The following LEF1 variants were observed in gnomAD, a reference collection of about 807,000 sequenced individuals.
The protein encoded by LEF1 is lymphoid enhancer binding factor 1, also known as lymphoid enhancer-binding factor 1.
LEF1 carries 14 observed loss-of-function variants against 51.2 expected under a neutral mutation model. The ratio of observed to expected loss-of-function variants is 0.27; its 90% CI spans 0.18 to 0.43. The LOEUF (loss-of-function observed/expected upper bound fraction) is 0.43. Among genes scored for constraint, LEF1 ranks in the 20% least tolerant of loss-of-function variants. The probability of loss-of-function intolerance (pLI) is 1.00; values close to 1 mark genes in which losing one functional copy is unlikely to be tolerated. For synonymous variants in LEF1, 185 were observed against 183.2 expected (o/e 1.01, Z -0.08); for missense variants, 386 against 512.0 (o/e 0.75, Z 2.37).
chr4:108,053,127 T>C (rs1197862704), intron 11 of LEF1, among the ~76,000 whole-genome samples: 1 of 152,186 alleles, frequency 6.6e-6, no homozygotes, highest in Non-Finnish European at 1.5e-5. Flanking sequence ...CCCTGTATCC[T>C]GGTGGAGGCA....
chr4:108,153,672 C>T (rs1744505030), intron 3 of LEF1, among the ~76,000 whole-genome samples: 1 of 152,082 alleles, frequency 6.6e-6, no homozygotes, highest in Non-Finnish European at 1.5e-5. Flanking sequence ...GCAATTTGTT[C>T]CAAAGAAACA....
rs115237291 is a variant in LEF1 at position 108,158,949 on chromosome 4, G to A, written c.414+4619C>T. ...AATACTTCAAAAGCAAGATTTTTGC[G>A]GATTGGCTCAATGGTCTTTTTTTTA... On this transcript the variant is annotated intron_variant, in intron 3 of 11. Transcript: ENST00000265165. 9.0e-3 allele frequency among the ~76,000 whole-genome samples: 1,361 copies of A among 152,014 alleles called. 5 individuals carry two copies. The highest frequency in any genetic ancestry group is 0.017 in the Middle Eastern group (5 of 294).
intron 3 of LEF1, among the ~76,000 whole-genome samples, chr4:108,106,107 G>A (rs1360232258): frequency 6.6e-6 from 1 of 152,134 alleles, no homozygotes; most frequent in Admixed American, 6.5e-5. Flanking sequence ...ATATGGCTCA[G>A]GGAGATCAAC....
intron 11 of LEF1, among the ~76,000 whole-genome samples, chr4:108,050,643 C>A (rs1274058587): frequency 6.6e-6 from 1 of 152,214 alleles, no homozygotes; most frequent in Non-Finnish European, 1.5e-5. Flanking sequence ...GTTGCTCTTC[C>A]TGGGAAGGTT....
chr4:108,144,601 T>C (rs1485287720), intron 3 of LEF1, among the ~76,000 whole-genome samples: 2 of 152,090 alleles, frequency 1.3e-5, no homozygotes, highest in African/African-American at 2.4e-5. Flanking sequence ...TGGTTTAAAA[T>C]AGCAAGTGCC....
At chr4:108,121,409 C>T (rs1403713947) in intron 3 of LEF1, among the ~76,000 whole-genome samples, 1 of 152,216 alleles carries the variant, frequency 6.6e-6, no homozygotes, top group African/African-American at 2.4e-5. Context: ...ACAGACACTA[C>T]ACTCTGAGAA....
intron 3 of LEF1, among the ~76,000 whole-genome samples, chr4:108,125,928 A>C (rs538756227): frequency 1.3e-5 from 2 of 152,332 alleles, no homozygotes; most frequent in South Asian, 2.1e-4. Context: ...TGTTAACACC[A>C]ATCAGATTTT....
At chr4:108,080,102 C>A (rs1479646037) in intron 6 of LEF1, among the ~76,000 whole-genome samples, 1 of 152,098 alleles carries the variant, frequency 6.6e-6, no homozygotes, top group Non-Finnish European at 1.5e-5. Flanking sequence ...ATTTTCTGTG[C>A]AGAAATACAC....
At chr4:108,073,618 C>T (rs867969202) in intron 8 of LEF1, among the ~76,000 whole-genome samples, 3 of 152,016 alleles carry the variant, frequency 2.0e-5, no homozygotes, top group Admixed American at 2.0e-4. Flanking sequence ...GCTGAGAAAA[C>T]CTGGAATCAT....
chr4:108,158,867 C>G (rs1002455577), intron 3 of LEF1, among the ~76,000 whole-genome samples: 2 of 151,946 alleles, frequency 1.3e-5, no homozygotes, highest in Non-Finnish European at 2.9e-5. Context: ...AGGGAAGACT[C>G]GATCAAAATA....
At chr4:108,064,301 C>G in intron 10 of LEF1, 35 bp downstream of exon 10, 1 of 1,525,788 alleles carries the variant, frequency 6.6e-7, no homozygotes. Flanking sequence ...TTGTCAGAAG[C>G]CTGAGGATTG....
chr4:108,159,223 C>T (rs543035689), intron 3 of LEF1, among the ~76,000 whole-genome samples: 1 of 152,096 alleles, frequency 6.6e-6, no homozygotes, highest in Non-Finnish European at 1.5e-5. Context: ...GATCCTGTCC[C>T]AAATTGTAGC....
At chr4:108,128,390 CAA>C (rs1742674463) in intron 3 of LEF1, among the ~76,000 whole-genome samples, 1 of 151,626 alleles carries the variant, frequency 6.6e-6, no homozygotes, top group Non-Finnish European at 1.5e-5. Context: ...ACAACATAAA[CAA>C]AATTATTTAT....
chr4:108,138,995 T>C (rs1257109935), intron 3 of LEF1, among the ~76,000 whole-genome samples: 1 of 152,344 alleles, frequency 6.6e-6, no homozygotes, highest in East Asian at 1.9e-4. Flanking sequence ...CTGGAAATGC[T>C]AGCTGAACCA....
intron 8 of LEF1, among the ~76,000 whole-genome samples, chr4:108,077,731 G>A (rs965119808): frequency 3.3e-5 from 5 of 152,092 alleles, no homozygotes; most frequent in Non-Finnish European, 7.4e-5. Context: ...CCCGGCTGCT[G>A]CCCCATCTGG....
chr4:108,058,975 G>C (rs1450772013), intron 11 of LEF1, among the ~76,000 whole-genome samples: 1 of 152,224 alleles, frequency 6.6e-6, no homozygotes, highest in Non-Finnish European at 1.5e-5. Flanking sequence ...AGTCCGAAAA[G>C]CTAAACAGAT....
At chr4:108,160,683 C>T (rs1745006780) in intron 3 of LEF1, among the ~76,000 whole-genome samples, 1 of 152,260 alleles carries the variant, frequency 6.6e-6, no homozygotes, top group South Asian at 2.1e-4. Context: ...TGCTCCTGAA[C>T]AGGTAATACT....
chr4:108,140,280 G>T (rs1445341846), intron 3 of LEF1, among the ~76,000 whole-genome samples: 2 of 152,130 alleles, frequency 1.3e-5, no homozygotes, highest in African/African-American at 4.8e-5. Flanking sequence ...AGTTTGAAAA[G>T]AACTGGCAAC....
chr4:108,119,349 T>C (rs947101033), intron 3 of LEF1, among the ~76,000 whole-genome samples: 2 of 151,976 alleles, frequency 1.3e-5, no homozygotes, highest in Non-Finnish European at 2.9e-5. Flanking sequence ...CACTGAGGTT[T>C]TGTTTTCACT....
Sources: allele counts gnomAD v4.1 joint callset (sites outside exome capture counted in the v4.1 genomes callset), GRCh38; gene constraint gnomAD v4.1.1; transcripts MANE v1.5; gene names NCBI Gene and HGNC (gene_info 2026-07-23, HGNC 2026-07-21).